The following NECTIN1 variants were observed in gnomAD, a reference collection of about 807,000 sequenced individuals.
NECTIN1 encodes the protein nectin-1.
Under a neutral mutation model 48.0 loss-of-function variants are expected in NECTIN1, and 23 were observed. The ratio of observed to expected loss-of-function variants is 0.48; its 90% CI spans 0.34 to 0.68. The LOEUF (loss-of-function observed/expected upper bound fraction) is 0.68. NECTIN1 is among the 30% of genes least tolerant of loss of function. The probability of loss-of-function intolerance (pLI) is 0.01; values close to 1 mark genes in which losing one functional copy is unlikely to be tolerated. For missense variants in NECTIN1, 591 were observed against 709.9 expected (o/e 0.83, Z 1.90); for synonymous variants, 270 against 288.9 (o/e 0.93, Z 0.66).
At chr11:119,699,017 T>C (rs1188304785) in intron 1 of NECTIN1, among the ~76,000 whole-genome samples, 1 of 152,192 alleles carries the variant, frequency 6.6e-6, no homozygotes, top group Non-Finnish European at 1.5e-5. Context: ...GACAGCTCAA[T>C]TGTTTCCTCG....
At chr11:119,648,058 C>T (rs1230101214) in intron 5 of NECTIN1, among the ~76,000 whole-genome samples, 3 of 52,340 alleles carry the variant, frequency 5.7e-5, no homozygotes, top group Non-Finnish European at 9.7e-5. Context: ...AGTGAGACAC[C>T]GTCTCAAAAA....
chr11:119,711,353 G>A (rs575672367), intron 1 of NECTIN1, among the ~76,000 whole-genome samples: 120 of 150,662 alleles, frequency 8.0e-4, no homozygotes, highest in Non-Finnish European at 1.5e-3. Flanking sequence ...TCGTGCCACC[G>A]CACTCCAGCC....
chr11:119,648,316 A>ATGGTGGTGGTGGTGGTGGTGGTGG (rs1565376589), intron 5 of NECTIN1, among the ~76,000 whole-genome samples: 3 of 8,974 alleles, frequency 3.3e-4, no homozygotes, highest in Non-Finnish European at 5.5e-4. Context: ...GATGGTGGTG[A>ATGGTGGTGGTGGTGGTGGTGGTGG]TGGTGATGGT....
At chr11:119,639,530 C>T (rs1009812522) in intron 6 of NECTIN1, 15 of 409,654 alleles carry the variant, frequency 3.7e-5, no homozygotes, top group Non-Finnish European at 5.5e-5. Flanking sequence ...GCTGGGAGCA[C>T]GTAAACTCTT....
intron 4 of NECTIN1, 159 bp from the exon 5 acceptor site, chr11:119,675,469 C>T (rs1424449265): frequency 1.5e-6 from 1 of 685,326 alleles, no homozygotes; most frequent in African/African-American, 1.8e-5. Flanking sequence ...TAATCTCTTT[C>T]ACTTGGTAGT....
At chr11:119,714,295 G>T (rs1303216124) in intron 1 of NECTIN1, among the ~76,000 whole-genome samples, 1 of 152,154 alleles carries the variant, frequency 6.6e-6, no homozygotes, top group East Asian at 1.9e-4. Context: ...TGCCAAAAGC[G>T]GGGTGCCTCA....
chr11:119,723,224 A>AG (rs1165271298), intron 1 of NECTIN1, among the ~76,000 whole-genome samples: 1 of 151,264 alleles, frequency 6.6e-6, no homozygotes, highest in Non-Finnish European at 1.5e-5. Flanking sequence ...CTCAAAAAAA[A>AG]AAAAAAAAAA....
At chr11:119,648,292 GTGGTGGTGGTGGTGATGGTGGTGA>G (rs1864432065) in intron 5 of NECTIN1, among the ~76,000 whole-genome samples, 5 of 19,262 alleles carry the variant, frequency 2.6e-4, no homozygotes, top group African/African-American at 8.5e-4. Context: ...GGTGGTGATG[GTGGTGGTGGTGGTGATGGTGGTGA>G]TGGTGATGGT....
rs1222710581 is a variant in NECTIN1, at chr11:119,716,835, A to AGCAGGCGCGTGC, written c.79+11628_79+11639dup. On this transcript the variant is annotated intron_variant, in intron 1 of 5. Transcript: ENST00000264025. Reference sequence around the variant, plus strand: ...AGATGGCGATCAGAGTCTAATCAGAAGCAGGCGCGTGCACACGCGCGCGCA... The same window carrying AGCAGGCGCGTGC: ...AGATGGCGATCAGAGTCTAATCAGAAGCAGGCGCGTGCGCAGGCGCGTGCACACGCGCGCGCA... Among the ~76,000 whole-genome samples, 12 of 152,374 alleles carry AGCAGGCGCGTGC rather than the reference A, an allele frequency of 7.9e-5. No homozygotes were observed. The East Asian group carries it at 1.9e-3, about 25-fold the overall frequency.
intron 1 of NECTIN1, among the ~76,000 whole-genome samples, chr11:119,693,838 G>T (rs773002916): frequency 3.3e-5 from 5 of 152,134 alleles, no homozygotes; most frequent in Non-Finnish European, 5.9e-5. Context: ...GCTGACTCCT[G>T]CTTTCATTTT....
At chr11:119,659,409 T>C (rs1466688731), downstream of NECTIN1, 1 of 152,246 alleles carries the variant, frequency 6.6e-6, no homozygotes, top group African/African-American at 2.4e-5. Flanking sequence ...AGGGATATGG[T>C]GGGCACATCC....
intron 1 of NECTIN1, among the ~76,000 whole-genome samples, chr11:119,693,221 G>GTC (rs536400340): frequency 5.9e-5 from 9 of 151,808 alleles, no homozygotes; most frequent in Non-Finnish European, 8.8e-5. Context: ...CGGGGTGTGT[G>GTC]TCTCTCTCTC....
chr11:119,667,584 C>A (rs1416892886), intron 5 of NECTIN1, among the ~76,000 whole-genome samples: 1 of 152,174 alleles, frequency 6.6e-6, no homozygotes, highest in Non-Finnish European at 1.5e-5. Context: ...AGGAAGCATC[C>A]AGATGGAGGG....
At chr11:119,703,349 A>C (rs1865488371) in intron 1 of NECTIN1, among the ~76,000 whole-genome samples, 1 of 152,232 alleles carries the variant, frequency 6.6e-6, no homozygotes, top group African/African-American at 2.4e-5. Context: ...CCAACGGGAC[A>C]GATAAATGTC....
chr11:119,664,486 CGTAAAGGGAAGATACA>C lies in NECTIN1; in HGVS notation c.*245_*260del. 7.5e-7 allele frequency: 1 copy of C among 1,330,806 alleles called. No individual in the cohort carries two copies. Among genetic ancestry groups the C allele is most frequent in the Non-Finnish European group, 9.6e-7 (1 of 1,040,656 alleles). The allele number at this position is 1,330,806 out of a possible 1,614,324, so 82.4% of individuals were successfully genotyped here. On this transcript the variant is annotated 3_prime_UTR_variant, in exon 6 of 6. Transcript: ENST00000264025. ...ACACAGAGGGCAGGCAGGTGGGGCC[CGTAAAGGGAAGATACA>C]GTAACACTAAAGCCACAGTCGAACA...
Position 119,677,815 on chromosome 11 carries a change from C to G in NECTIN1, c.473G>C (p.Arg158Pro), listed in dbSNP as rs776409528. ...CTTGTCATCCTGCCCCTTCTTGGCT[C>G]GAAGCACTGCCTGGGTACCCTCTAT... ...NWIEGTQAVL[R>P]AKKGQDDKVL... Residue 158 changes from arginine (R) to proline (P), a missense_variant, in exon 3 of 6, where the codon CGA becomes CCA. Transcript: ENST00000264025. This position sits in a 1 kb window ranked among gnomAD's most constrained non-coding sequence, Gnocchi z 5.4. 5 of 1,614,086 alleles carry G rather than the reference C, an allele frequency of 3.1e-6. No individual in the cohort carries two copies. Among genetic ancestry groups the G allele is most frequent in the Non-Finnish European group, 4.2e-6 (5 of 1,180,000 alleles).
intron 1 of NECTIN1, among the ~76,000 whole-genome samples, chr11:119,699,642 A>C (rs1366796102): frequency 6.6e-6 from 1 of 152,170 alleles, no homozygotes; most frequent in Non-Finnish European, 1.5e-5. Context: ...TGCAAGGGAG[A>C]GTGGCAGGAG....
chr11:119,665,097 T>C lies in NECTIN1; in HGVS notation c.1204A>G (p.Lys402Glu). The C allele has an allele frequency of 6.2e-7, 1 of 1,614,016 alleles. No individual in the cohort carries two copies. Among genetic ancestry groups the C allele is most frequent in the African/African-American group, 1.3e-5 (1 of 75,006 alleles). ...GGGTGGTGCTGGGGGATGCCTGCCT[T>C]GCTGTAGCCGTTGCCATACACGTGC... ...KKHVYGNGYS[K>E]AGIPQHHPPM... Residue 402 changes from lysine (K) to glutamate (E), a missense_variant, in exon 6 of 6, where the codon AAG (lysine) becomes GAG (glutamate). By Grantham distance (56) the Lys-to-Glu change is moderately conservative. Transcript: ENST00000264025. This position sits in a 1 kb window ranked among gnomAD's most constrained non-coding sequence, Gnocchi z 5.1.
chr11:119,721,740 C>T (rs1177513975), intron 1 of NECTIN1, among the ~76,000 whole-genome samples: 1 of 152,210 alleles, frequency 6.6e-6, no homozygotes, highest in African/African-American at 2.4e-5. Flanking sequence ...TGCCCCAGGG[C>T]TCCGTGCTCA....
Sources: allele counts gnomAD v4.1 joint callset (sites outside exome capture counted in the v4.1 genomes callset), GRCh38; gene constraint gnomAD v4.1.1; non-coding constraint Gnocchi (gnomAD v3.1); transcripts MANE v1.5; gene names NCBI Gene and HGNC (gene_info 2026-07-23, HGNC 2026-07-21).